The following TTC34 variants were observed in gnomAD, a reference collection of about 807,000 sequenced individuals.
TTC34 encodes tetratricopeptide repeat protein 34.
A neutral mutation model predicts 40.7 loss-of-function variants in TTC34; 44 were observed. The observed-to-expected ratio is 1.08, with a 90% CI of 0.85 to 1.39. The LOEUF (loss-of-function observed/expected upper bound fraction) is 1.39, where lower values mean the gene tolerates loss of function less well. TTC34 is among the 40% of genes most tolerant of loss of function. The pLI is 0.00. For synonymous variants in TTC34, 422 were observed against 398.6 expected, an observed-to-expected ratio of 1.06 and a Z score of -0.70; for missense variants, 884 against 838.0, an observed-to-expected ratio of 1.05 and a Z score of -0.68.
intron 8 of TTC34, among the ~76,000 whole-genome samples, chr1:2,643,056 C>T (rs1454229099): frequency 6.6e-6 from 1 of 152,194 alleles, no homozygotes; most frequent in Non-Finnish European, 1.5e-5. Flanking sequence ...GCGCAGGACC[C>T]GCACATTTGG....
chr1:2,750,537 A>T (rs1641281497), intron 6 of TTC34, among the ~76,000 whole-genome samples: 1 of 151,402 alleles, frequency 6.6e-6, no homozygotes, highest in Non-Finnish European at 1.5e-5. Flanking sequence ...CCAAGCGAGC[A>T]TCCGACAGCC....
In TTC34 at chr1:2,785,966, C is replaced by T. The variant is rs546396984; in HGVS notation, c.1912G>A (p.Val638Ile). ...AGCTGCCGGTCCTCGTGGCAGAAGA[C>T]GTCCAGGGTGGGCTGGAGGCAGGCG... Residue 638 changes from valine to isoleucine, a missense_variant, in exon 5 of 9, where the codon GTC becomes ATC. Transcript: ENST00000401095. 1.1e-4 allele frequency: 161 copies of T among 1,511,942 alleles called. No homozygotes were observed. The highest frequency in any genetic ancestry group is 3.6e-4 in the South Asian group (29 of 79,630). 93.7% of individuals were successfully genotyped at this position (1,511,942 alleles called of 1,614,324 possible). A position where few individuals can be genotyped will look rare whatever the true frequency, so the allele number is the denominator to read the frequency against.
chr1:2,781,582 A>G (rs993868380), intron 6 of TTC34, among the ~76,000 whole-genome samples: 4 of 152,206 alleles, frequency 2.6e-5, no homozygotes, highest in Non-Finnish European at 5.9e-5. Context: ...TGCAAAAGCA[A>G]TCATCCTTGC....
chr1:2,781,038 T>C (rs1334922264), intron 6 of TTC34, among the ~76,000 whole-genome samples: 1 of 152,262 alleles, frequency 6.6e-6, no homozygotes, highest in Non-Finnish European at 1.5e-5. Flanking sequence ...TACAGTTGAC[T>C]CTTGAACACA....
intron 6 of TTC34, among the ~76,000 whole-genome samples, chr1:2,687,598 C>A (rs1640423667): frequency 6.7e-6 from 1 of 148,594 alleles, no homozygotes; most frequent in East Asian, 2.0e-4. Flanking sequence ...CCTGGAACAG[C>A]ACCCACACCC....
At chr1:2,792,857 T>C (rs1301731581) in intron 2 of TTC34, among the ~76,000 whole-genome samples, 1 of 152,252 alleles carries the variant, frequency 6.6e-6, no homozygotes, top group South Asian at 2.1e-4. Flanking sequence ...GACTCATAGA[T>C]TGAGGAGCCC....
rs1483198353 is a variant in TTC34 at position 2,750,157 on chromosome 1, C to T, written c.2226+33452G>A. Among the ~76,000 whole-genome samples the T allele has an allele frequency of 2.6e-3, 110 of 42,070 alleles. 4 individuals carry two copies. The highest frequency in any genetic ancestry group is 6.1e-3 in the African/African-American group (93 of 15,350). 27.6% of individuals were successfully genotyped at this position (42,070 alleles called of 152,430 possible). A position where few individuals can be genotyped will look rare whatever the true frequency, so the allele number is the denominator to read the frequency against. On this transcript the variant is annotated intron_variant, in intron 6 of 8. Transcript: ENST00000401095. The stretch of plus-strand genomic sequence containing the variant: ...GAGCATCCGACAGCGTGGAGCAGAA[C>T]AAACACCCCCAGGCGAGCATCTGAC...
At chr1:2,694,204 T>TGAC (rs1640757865) in intron 6 of TTC34, among the ~76,000 whole-genome samples, 1 of 29,626 alleles carries the variant, frequency 3.4e-5, no homozygotes. Context: ...GGTGAGCATG[T>TGAC]GACAGCCTGG....
intron 2 of TTC34, among the ~76,000 whole-genome samples, chr1:2,791,698 C>T (rs1389926147): frequency 1.3e-5 from 2 of 152,116 alleles, no homozygotes; most frequent in Non-Finnish European, 2.9e-5. Flanking sequence ...CAACATTACC[C>T]CTGATTTTTG....
intron 6 of TTC34, among the ~76,000 whole-genome samples, chr1:2,749,570 G>T (rs1281009573): frequency 2.0e-5 from 2 of 100,254 alleles, no homozygotes; most frequent in Non-Finnish European, 3.7e-5. Flanking sequence ...ACACCCCCAG[G>T]CGAGCATCCG....
At chr1:2,750,440 CA>C (rs1641278602) in intron 6 of TTC34, among the ~76,000 whole-genome samples, 1 of 77,328 alleles carries the variant, frequency 1.3e-5, no homozygotes, top group South Asian at 4.5e-4. Flanking sequence ...TAACAGCACC[CA>C]CACACCCAGG....
intron 6 of TTC34, among the ~76,000 whole-genome samples, chr1:2,685,925 G>A (rs542177163): frequency 6.8e-6 from 1 of 146,458 alleles, no homozygotes; most frequent in South Asian, 2.2e-4. Flanking sequence ...CACACCCCCA[G>A]GTGAGCATGT....
At chr1:2,768,160 T>A (rs1641845938) in intron 6 of TTC34, among the ~76,000 whole-genome samples, 1 of 148,592 alleles carries the variant, frequency 6.7e-6, no homozygotes, top group Non-Finnish European at 1.5e-5. Context: ...GGATCAACAC[T>A]CGAACCTTCA....
chr1:2,790,421 CA>C (rs1643650836), intron 2 of TTC34, 75 bp from the exon 3 acceptor site: 1 of 397,974 alleles, frequency 2.5e-6, no homozygotes, highest in Non-Finnish European at 4.4e-6. Context: ...AAGTCCCCAC[CA>C]GGTCCAGGGC....
At chr1:2,683,754 C>T (rs574051986) in intron 6 of TTC34, among the ~76,000 whole-genome samples, 5 of 146,798 alleles carry the variant, frequency 3.4e-5, no homozygotes, top group Non-Finnish European at 4.5e-5. Context: ...GCACCCACAC[C>T]CCCAGGTGAG....
intron 6 of TTC34, among the ~76,000 whole-genome samples, chr1:2,749,583 AG>A (rs1641252030): frequency 2.0e-5 from 2 of 99,478 alleles, no homozygotes; most frequent in Non-Finnish European, 3.8e-5. Flanking sequence ...AGCATCCGAC[AG>A]CCTGGAGCAG....
intron 2 of TTC34, among the ~76,000 whole-genome samples, chr1:2,798,880 TCCCAGCCC>T (rs1357080699): frequency 1.2e-5 from 1 of 83,190 alleles, no homozygotes; most frequent in South Asian, 4.5e-4. Context: ...CCTCCAAGCC[TCCCAGCCC>T]CCCAGCCTCC....
intron 6 of TTC34, among the ~76,000 whole-genome samples, chr1:2,687,458 A>G (rs1640416253): frequency 6.7e-6 from 1 of 148,648 alleles, no homozygotes; most frequent in Non-Finnish European, 1.5e-5. Context: ...ACAGGTGAGC[A>G]TCCGACAGCC....
chr1:2,775,327 A>C (rs537607828), intron 6 of TTC34: 1 of 150,718 alleles, frequency 6.6e-6, no homozygotes, highest in Non-Finnish European at 1.5e-5. Context: ...TGAGGATCTG[A>C]CTACCTGGAA....
Sources: gnomAD v4.1 joint callset for allele counts (sites outside exome capture counted in the v4.1 genomes callset) on GRCh38, gnomAD v4.1.1 for gene constraint, MANE v1.5 for transcripts, NCBI Gene and HGNC (gene_info 2026-07-23, HGNC 2026-07-21) for gene names.